The following TCN1 variants were observed in gnomAD, a reference collection of about 807,000 sequenced individuals.
TCN1 encodes the protein transcobalamin-1.
Under a neutral mutation model 46.3 loss-of-function variants are expected in TCN1, and 47 were observed. The ratio of observed to expected loss-of-function variants is 1.01; its 90% CI spans 0.80 to 1.29. TCN1 has a LOEUF of 1.29. TCN1 is among the 50% of genes most tolerant of loss of function. The probability of loss-of-function intolerance (pLI) is 0.00; values close to 1 mark genes in which losing one functional copy is unlikely to be tolerated. For synonymous variants in TCN1, 183 were observed against 192.5 expected, an observed-to-expected ratio of 0.95 and a Z score of 0.41; for missense variants, 532 against 511.0, an observed-to-expected ratio of 1.04 and a Z score of -0.40.
In TCN1 at chr11:59,852,824, T is replaced by C; in HGVS notation, c.*151A>G. On this transcript the variant is annotated 3_prime_UTR_variant, in exon 9 of 9. Transcript: ENST00000257264. ...CTCTTTTTGTATAGTTGTTAATCTT[T>C]CAACAACTTTTATTGAACATGTAGA... 1 of 780,176 alleles carries C rather than the reference T, an allele frequency of 1.3e-6. No homozygotes were observed. Among genetic ancestry groups the C allele is most frequent in the Non-Finnish European group, 2.3e-6 (1 of 438,854 alleles). The allele number at this position is 780,176 out of a possible 1,614,324, so 48.3% of individuals were successfully genotyped here. A position where few individuals can be genotyped will look rare whatever the true frequency, so the allele number is the denominator to read the frequency against.
chr11:59,864,879 G>A (rs1042587492), intron 1 of TCN1, among the ~76,000 whole-genome samples: 1 of 152,168 alleles, frequency 6.6e-6, no homozygotes, highest in Non-Finnish European at 1.5e-5. Context: ...TAATGGATTA[G>A]TGGGAGAGTG....
chr11:59,856,256 A>G (rs1306221911), intron 5 of TCN1, among the ~76,000 whole-genome samples, 198 bp from the exon 6 acceptor site: 1 of 152,156 alleles, frequency 6.6e-6, no homozygotes, highest in Non-Finnish European at 1.5e-5. Context: ...CTTATAAACT[A>G]GTTTGGGCAG....
At chr11:59,853,089 C>T (rs1318067157) in intron 8 of TCN1, 53 bp from the exon 9 acceptor site, 30 of 1,600,224 alleles carry the variant, frequency 1.9e-5, no homozygotes, top group Non-Finnish European at 2.6e-5. Flanking sequence ...CACTAAATCA[C>T]CAAATAATGG....
chr11:59,855,972 T>A lies in TCN1; in HGVS notation c.834A>T (p.Gln278His). 1 of 1,613,716 alleles carries A rather than the reference T, an allele frequency of 6.2e-7. No individual in the cohort carries two copies. The highest frequency in any genetic ancestry group is 8.5e-7 in the Non-Finnish European group (1 of 1,179,802). Residue 278 changes from glutamine to histidine, a missense_variant, in exon 6 of 9, where the codon CAA (glutamine) becomes CAT (histidine). Coordinates refer to ENST00000257264, the MANE Select transcript of TCN1 (RefSeq NM_001062.4). ...TLNTVLTEIS[Q>H]GAFSNPNAAA... ...CAGCGTTTGGATTGCTGAATGCTCC[T>A]TGAGAAATTTCCGTGAGCACTGTAT...
rs139772818 is a variant in TCN1 at position 59,861,633 on chromosome 11, G to A, written c.450C>T (p.Asp150=). Residue 150 remains aspartate (D), a synonymous_variant, in exon 4 of 9, where the codon GAC becomes GAT. Transcript: ENST00000257264. The part of the protein sequence containing the change: ...PLTNYYQLSL[D]VLALCLFNGN... The stretch of plus-strand genomic sequence containing the variant: ...CATTGAACAGACACAAGGCCAAAAC[G>A]TCCAGGCTGAGCTGGTAGTAGTTAG... 138 of 1,614,146 alleles carry A rather than the reference G, an allele frequency of 8.5e-5. No homozygotes were observed. The African/African-American group carries it at 1.5e-3, about 17-fold the overall frequency.
At chr11:59,857,356 T>G (rs887280634) in intron 5 of TCN1, among the ~76,000 whole-genome samples, 2 of 152,114 alleles carry the variant, frequency 1.3e-5, no homozygotes, top group African/African-American at 4.8e-5. Context: ...GTGATTCAAA[T>G]ATGCAATGAA....
At position 59,861,702 on chromosome 11, in the gene TCN1, C is replaced by G; in HGVS notation, c.401-20G>C. 2 of 1,613,092 alleles carry G rather than the reference C, an allele frequency of 1.2e-6. No individual in the cohort carries two copies. The highest frequency in any genetic ancestry group is 2.2e-5 in the South Asian group (2 of 91,058). ...GTGCTTCTAGAAAAGAGAAGAAATA[C>G]CTCCCTTAATCATGGAAGTGGTAAT... On this transcript the variant is annotated intron_variant, in intron 3 of 8. Transcript: ENST00000257264.
chr11:59,854,353 C>G (rs533937792), intron 7 of TCN1, among the ~76,000 whole-genome samples: 2 of 147,776 alleles, frequency 1.4e-5, no homozygotes, highest in East Asian at 3.9e-4. Context: ...AACCACTGTT[C>G]TAGATCTCAA....
chr11:59,866,350 A>G (rs1164191757), intron 1 of TCN1, 42 bp downstream of exon 1: 2 of 1,587,636 alleles, frequency 1.3e-6, no homozygotes, highest in African/African-American at 2.7e-5. Context: ...AGTTTTCAGT[A>G]GACTATCACT....
chr11:59,853,090 C>T, intron 8 of TCN1, 54 bp from the exon 9 acceptor site: 1 of 1,598,232 alleles, frequency 6.3e-7, no homozygotes, highest in East Asian at 2.2e-5. Context: ...ACTAAATCAC[C>T]AAATAATGGA....
At chr11:59,865,960 A>G (rs1243149465) in intron 1 of TCN1, among the ~76,000 whole-genome samples, 1 of 152,032 alleles carries the variant, frequency 6.6e-6, no homozygotes, top group African/African-American at 2.4e-5. Context: ...GAAAGAGATT[A>G]TTATTTTTTT....
rs192545625 is a variant in TCN1, at chr11:59,863,325, C to G, written c.259+582G>C. 1.0e-3 allele frequency among the ~76,000 whole-genome samples: 158 copies of G among 152,136 alleles called. 1 individual carries two copies. The Middle Eastern group carries it at 0.02, about 20-fold the overall frequency. On this transcript the variant is annotated intron_variant, in intron 2 of 8. Coordinates refer to ENST00000257264, the MANE Select transcript of TCN1 (RefSeq NM_001062.4). ...AAAAAGAGGAAAAATAGATAAACAACAAGATCTTGGGTTTTTTTTTCTTTG... is the reference window on the plus strand; with the variant it reads ...AAAAAGAGGAAAAATAGATAAACAAGAAGATCTTGGGTTTTTTTTTCTTTG...
intron 5 of TCN1, among the ~76,000 whole-genome samples, chr11:59,856,845 T>C (rs1718834327): frequency 6.6e-6 from 1 of 151,498 alleles, no homozygotes; most frequent in East Asian, 1.9e-4. Context: ...ATGGGGAGTC[T>C]AATTGTTCAT....
In TCN1 at chr11:59,855,933, T is replaced by A; in HGVS notation, c.873A>T (p.Leu291Phe). The A allele has an allele frequency of 6.2e-7, 1 of 1,613,878 alleles. No homozygotes were observed. The highest frequency in any genetic ancestry group is 1.1e-5 in the South Asian group (1 of 91,076). The change falls in exon 6 of 9, where the codon TTA (leucine) becomes TTT (phenylalanine). Residue 291 changes from leucine to phenylalanine, a missense_variant. Transcript: ENST00000257264. ...AGAAGGTCTTTCCCATCAGGGCAGG[T>A]AAGACCTGGGCTGCAGCGTTTGGAT... ...FSNPNAAAQV[L>F]PALMGKTFLD...
chr11:59,865,676 C>T (rs1431321247), intron 1 of TCN1, among the ~76,000 whole-genome samples: 1 of 152,150 alleles, frequency 6.6e-6, no homozygotes, highest in Non-Finnish European at 1.5e-5. Flanking sequence ...CTTCAATAGT[C>T]TCCCCTCATT....
chr11:59,860,237 C>T (rs1165716256), intron 4 of TCN1, among the ~76,000 whole-genome samples: 2 of 152,144 alleles, frequency 1.3e-5, no homozygotes, highest in Non-Finnish European at 2.9e-5. Flanking sequence ...TCTAGTGATT[C>T]TCCTGCCTCA....
intron 8 of TCN1, 63 bp from the exon 9 acceptor site, chr11:59,853,099 G>A (rs1866684925): frequency 1.3e-6 from 2 of 1,599,630 alleles, no homozygotes; most frequent in Admixed American, 3.3e-5. Context: ...CCAAATAATG[G>A]ATGTCATCTC....
Position 59,861,609 on chromosome 11 carries a change from A to G in TCN1, c.474T>C (p.Asn158=), listed in dbSNP as rs752919717. 1 of 1,614,156 alleles carries G rather than the reference A, an allele frequency of 6.2e-7. No individual in the cohort carries two copies. The highest frequency in any genetic ancestry group is 2.2e-5 in the East Asian group (1 of 44,876). Residue 158 remains asparagine (N), a synonymous_variant, in exon 4 of 9, where the codon AAT becomes AAC. Transcript: ENST00000257264. ...CAACTTCGGCGGTTGAGTAGTTCCC[A>G]TTGAACAGACACAAGGCCAAAACGT... ...SLDVLALCLF[N]GNYSTAEVVN...
At chr11:59,853,131 C>A in intron 8 of TCN1, 72 bp downstream of exon 8, 4 of 1,598,268 alleles carry the variant, frequency 2.5e-6, no homozygotes, top group East Asian at 2.2e-5. Flanking sequence ...TGGCCCAATC[C>A]CCACAGAGGC....
Sources: allele counts gnomAD v4.1 joint callset (sites outside exome capture counted in the v4.1 genomes callset), GRCh38; gene constraint gnomAD v4.1.1; transcripts MANE v1.5; gene names NCBI Gene and HGNC (gene_info 2026-07-23, HGNC 2026-07-21).